Variants in EXOC6B observed in about 807,000 individuals in gnomAD.
EXOC6B encodes the protein exocyst complex component 6B.
A neutral mutation model predicts 113.5 loss-of-function variants in EXOC6B; 54 were observed. That is an observed-to-expected ratio of 0.48 (90% CI 0.38 to 0.60). The LOEUF is 0.60. EXOC6B is among the 20% of genes least tolerant of loss of function. The probability of loss-of-function intolerance (pLI) is 0.00; values close to 1 mark genes in which losing one functional copy is unlikely to be tolerated. For synonymous variants in EXOC6B, 357 were observed against 339.0 expected, an observed-to-expected ratio of 1.05 and a Z score of -0.58; for missense variants, 797 against 977.5, an observed-to-expected ratio of 0.82 and a Z score of 2.46.
rs140911162 is a variant in EXOC6B at position 72,261,239 on chromosome 2, G to A, written c.2196+73708C>T. On this transcript the variant is annotated intron_variant, in intron 20 of 21. Coordinates refer to ENST00000272427, the MANE Select transcript of EXOC6B (RefSeq NM_015189.3). ...GTGGCAGATGTGCTTGGAGGGAGGC[G>A]GAACAAGTAGAAGAACATGGTTGGA... Among the ~76,000 whole-genome samples the A allele has an allele frequency of 3.0e-3, 460 of 152,262 alleles. 1 individual carries two copies. Among genetic ancestry groups the A allele is most frequent in the African/African-American group, 0.011 (449 of 41,562 alleles).
chr2:72,702,107 T>C (rs1209658189), intron 6 of EXOC6B, among the ~76,000 whole-genome samples: 1 of 145,248 alleles, frequency 6.9e-6, no homozygotes, highest in Admixed American at 7.0e-5. Context: ...GAGTGTGATA[T>C]TCCCCTTCCT....
intron 20 of EXOC6B, among the ~76,000 whole-genome samples, chr2:72,215,428 G>A (rs377669620): frequency 6.6e-6 from 1 of 151,974 alleles, no homozygotes; most frequent in African/African-American, 2.4e-5. Context: ...TTCACACAAC[G>A]CTTATTACCT....
chr2:72,371,521 G>T (rs565288708), intron 19 of EXOC6B, among the ~76,000 whole-genome samples: 5 of 152,146 alleles, frequency 3.3e-5, no homozygotes, highest in Admixed American at 1.3e-4. Context: ...GGGATGCAAG[G>T]ATGGTTCAAC....
intron 18 of EXOC6B, among the ~76,000 whole-genome samples, chr2:72,399,645 T>C (rs1693010019): frequency 1.3e-5 from 2 of 152,102 alleles, no homozygotes; most frequent in Non-Finnish European, 2.9e-5. Flanking sequence ...CATACACCAA[T>C]AATAATCAAG....
At chr2:72,423,870 T>C (rs1041171082) in intron 18 of EXOC6B, among the ~76,000 whole-genome samples, 3 of 152,242 alleles carry the variant, frequency 2.0e-5, no homozygotes, top group African/African-American at 7.2e-5. Context: ...GTATTCAAAA[T>C]GTAATATTTT....
intron 20 of EXOC6B, among the ~76,000 whole-genome samples, chr2:72,327,110 A>G (rs1475506634): frequency 1.3e-5 from 2 of 152,202 alleles, no homozygotes; most frequent in Non-Finnish European, 2.9e-5. Context: ...CATTTATGAT[A>G]GTGCCTGTCA....
chr2:72,403,609 G>A (rs1693494632), intron 18 of EXOC6B, among the ~76,000 whole-genome samples: 1 of 152,164 alleles, frequency 6.6e-6, no homozygotes, highest in Non-Finnish European at 1.5e-5. Context: ...TGGGAGGATG[G>A]CTTGAGACCA....
chr2:72,815,229 G>C (rs1337489960), intron 1 of EXOC6B, among the ~76,000 whole-genome samples: 1 of 152,078 alleles, frequency 6.6e-6, no homozygotes, highest in African/African-American at 2.4e-5. Context: ...GGTGGCTCCC[G>C]CCTGTAATCC....
intron 20 of EXOC6B, among the ~76,000 whole-genome samples, chr2:72,286,444 G>C (rs1685422425): frequency 6.6e-6 from 1 of 152,114 alleles, no homozygotes; most frequent in African/African-American, 2.4e-5. Context: ...TTCCAGAAAA[G>C]GCACAATGAG....
At chr2:72,485,024 G>A (rs1357008919) in intron 16 of EXOC6B, among the ~76,000 whole-genome samples, 1 of 152,126 alleles carries the variant, frequency 6.6e-6, no homozygotes, top group African/African-American at 2.4e-5. Flanking sequence ...CTTGGTTCTA[G>A]ATCCTTCAGG....
intron 8 of EXOC6B, among the ~76,000 whole-genome samples, chr2:72,525,209 T>G (rs1701696678): frequency 6.6e-6 from 1 of 152,256 alleles, no homozygotes; most frequent in Non-Finnish European, 1.5e-5. Context: ...TTAACAATCT[T>G]GGCCTTTGTA....
At chr2:72,797,992 T>A (rs1165028832) in intron 1 of EXOC6B, among the ~76,000 whole-genome samples, 3 of 152,176 alleles carry the variant, frequency 2.0e-5, no homozygotes, top group South Asian at 2.1e-4. Context: ...GAAAAATATA[T>A]CTGACATTCA....
chr2:72,799,239 CA>C (rs956224881), intron 1 of EXOC6B, among the ~76,000 whole-genome samples: 677 of 41,310 alleles, frequency 0.016, 1 homozygote, highest in South Asian at 0.024. Flanking sequence ...GACCCTGTCT[CA>C]AAAAAAAAAA....
intron 18 of EXOC6B, among the ~76,000 whole-genome samples, chr2:72,401,610 T>C (rs1405271187): frequency 2.2e-5 from 1 of 45,786 alleles, no homozygotes; most frequent in African/African-American, 2.8e-4. Flanking sequence ...TATGTGTATA[T>C]ATATATATAT....
At chr2:72,799,489 G>A (rs1685169807) in intron 1 of EXOC6B, among the ~76,000 whole-genome samples, 1 of 151,682 alleles carries the variant, frequency 6.6e-6, no homozygotes, top group African/African-American at 2.4e-5. Flanking sequence ...AGGACCAGTT[G>A]AGCCCAGGAG....
At chr2:72,184,314 G>A in intron 20 of EXOC6B, 127 bp from the exon 21 acceptor site, 1 of 555,838 alleles carries the variant, frequency 1.8e-6, no homozygotes, top group Non-Finnish European at 3.2e-6. Flanking sequence ...AATATAATAA[G>A]AAAAAGAACA....
intron 8 of EXOC6B, among the ~76,000 whole-genome samples, chr2:72,524,738 C>T (rs1050251058): frequency 4.6e-5 from 7 of 152,138 alleles, no homozygotes; most frequent in Non-Finnish European, 1.0e-4. Flanking sequence ...CAAATATATA[C>T]ACCTAGTATG....
At chr2:72,344,234 A>G (rs1689187221) in intron 19 of EXOC6B, among the ~76,000 whole-genome samples, 1 of 151,314 alleles carries the variant, frequency 6.6e-6, no homozygotes. Flanking sequence ...TCCAATTTTC[A>G]TTTGTTATTG....
At chr2:72,768,541 G>A (rs965175980) in intron 1 of EXOC6B, among the ~76,000 whole-genome samples, 9 of 151,420 alleles carry the variant, frequency 5.9e-5, no homozygotes, top group African/African-American at 2.2e-4. Flanking sequence ...CAGACCTCAG[G>A]TGATCCCCCC....
Sources: gnomAD v4.1 joint callset for allele counts (sites outside exome capture counted in the v4.1 genomes callset) on GRCh38, gnomAD v4.1.1 for gene constraint, MANE v1.5 for transcripts, NCBI Gene and HGNC (gene_info 2026-07-23, HGNC 2026-07-21) for gene names.